The following MUC12 variants were observed in gnomAD, a reference collection of about 807,000 sequenced individuals.
MUC12 encodes mucin-12.
In MUC12, 172 loss-of-function variants were observed where a neutral mutation model predicts 230.8. The ratio of observed to expected loss-of-function variants is 0.75; its 90% CI spans 0.66 to 0.85. The LOEUF (loss-of-function observed/expected upper bound fraction) is 0.85, where lower values mean the gene tolerates loss of function less well. MUC12 is among the 40% of genes least tolerant of loss of function. MUC12 has a pLI of 0.00. For synonymous variants in MUC12, 1,259 were observed against 2,401.9 expected, an observed-to-expected ratio of 0.52 and a Z score of 13.91; for missense variants, 3,506 against 5,920.6, an observed-to-expected ratio of 0.59 and a Z score of 13.38.
At chr7:101,008,097 C>T (rs1231354566) in intron 3 of MUC12, among the ~76,000 whole-genome samples, 3 of 151,324 alleles carry the variant, frequency 2.0e-5, no homozygotes, top group South Asian at 4.2e-4. Context: ...AGCCACCGCG[C>T]CCGGCCGGTA....
intron 10 of MUC12, chr7:101,017,276 A>T (rs1005327123): frequency 9.3e-6 from 3 of 323,702 alleles, no homozygotes; most frequent in Non-Finnish European, 1.7e-5. Flanking sequence ...CTCCACTCTG[A>T]CCTCACCCCT....
chr7:101,005,093 C>T lies in MUC12; in HGVS notation c.14530C>T (p.Pro4844Ser). Residue 4844 changes from proline to serine, a missense_variant, in exon 2 of 12, where the codon CCA (proline) becomes TCA (serine). Physicochemically the swap from Pro to Ser is moderately conservative, Grantham distance 74 (BLOSUM62 -1). Coordinates refer to ENST00000536621, the MANE Select transcript of MUC12 (RefSeq NM_001164462.2). ...STVSPASTTV[P>S]GLSEESTTFY... is the part of the protein sequence containing the mutation. ...AGTGTCACCTGCCAGCACCACAGTGCCAGGCCTTAGTGAGGAATCTACCAC... is the reference window on the plus strand; with the variant it reads ...AGTGTCACCTGCCAGCACCACAGTGTCAGGCCTTAGTGAGGAATCTACCAC... 1 of 1,537,874 alleles carries T rather than the reference C, an allele frequency of 6.5e-7. No individual in the cohort carries two copies.
At chr7:101,007,975 T>C (rs1017922183) in intron 3 of MUC12, among the ~76,000 whole-genome samples, 2 of 151,268 alleles carry the variant, frequency 1.3e-5, no homozygotes, top group African/African-American at 4.9e-5. Context: ...TTTTTTTTTT[T>C]TTGTATTTTT....
chr7:100,969,716 G>A, intron 1 of MUC12, 27 bp downstream of exon 1: 1 of 1,537,348 alleles, frequency 6.5e-7, no homozygotes, highest in Admixed American at 2.0e-5. Context: ...TGATGCTCCA[G>A]GTCCAGTGCT....
intron 1 of MUC12, chr7:100,972,298 G>T (rs1207648516): frequency 1.5e-6 from 1 of 688,506 alleles, no homozygotes; most frequent in Non-Finnish European, 2.6e-6. Flanking sequence ...GTGGATTTGT[G>T]TCCTGCGCCC....
chr7:100,990,226 G>A (rs539000637), intron 1 of MUC12, among the ~76,000 whole-genome samples: 121 of 152,302 alleles, frequency 7.9e-4, no homozygotes, highest in African/African-American at 2.6e-3. Flanking sequence ...GATCAGGAGC[G>A]GCATGAGATT....
At position 101,009,292 on chromosome 7, in the gene MUC12, C is replaced by T. The variant is rs1490316343; in HGVS notation, c.15251+133C>T. 5.7e-6 allele frequency: 5 copies of T among 873,174 alleles called. No homozygotes were observed. The East Asian group carries it at 1.3e-4, about 23-fold the overall frequency. The allele number at this position is 873,174 out of a possible 1,614,324, so 54.1% of individuals were successfully genotyped here. A position where few individuals can be genotyped will look rare whatever the true frequency, so the allele number is the denominator to read the frequency against. On this transcript the variant is annotated intron_variant, in intron 5 of 11. Transcript: ENST00000536621. ...AGAGAGTCCTGCAGCCGCTAGGGAA[C>T]ACTGGGGGCTGTGACACCTTTCATT... is the stretch of plus-strand genomic sequence containing the variant.
At chr7:101,008,817 T>G in intron 4 of MUC12, 56 bp downstream of exon 4, 5 of 1,503,946 alleles carry the variant, frequency 3.3e-6, no homozygotes, top group Non-Finnish European at 4.4e-6. Context: ...GAGAGGAAAT[T>G]GGGGGGTGCA....
At position 100,991,502 on chromosome 7, in the gene MUC12, A is replaced by G; in HGVS notation, c.939A>G (p.Pro313=). 1 of 1,537,586 alleles carries G rather than the reference A, an allele frequency of 6.5e-7. No homozygotes were observed. The highest frequency in any genetic ancestry group is 1.2e-5 in the South Asian group (1 of 84,046). Residue 313 remains proline (P), a synonymous_variant, in exon 2 of 12, where the codon CCA becomes CCG. Coordinates refer to ENST00000536621, the MANE Select transcript of MUC12 (RefSeq NM_001164462.2). ...TTYHSSPSST[P]TTHFSASSTT... is the part of the protein sequence containing the mutation. ...ATCACAGCAGCCCGAGCTCAACTCCAACAACCCACTTTTCTGCCAGCTCCA... is the reference window on the plus strand; with the variant it reads ...ATCACAGCAGCCCGAGCTCAACTCCGACAACCCACTTTTCTGCCAGCTCCA...
chr7:100,972,331 A>G (rs1792922694), intron 1 of MUC12, among the ~76,000 whole-genome samples: 1 of 132,294 alleles, frequency 7.6e-6, no homozygotes, highest in Non-Finnish European at 1.6e-5. Flanking sequence ...AGAGGACCCC[A>G]GTTCTCTGCA....
chr7:100,991,761 ACTC>A lies in MUC12; in HGVS notation c.1201_1203del (p.Pro401del). 1 of 1,537,004 alleles carries A rather than the reference ACTC, an allele frequency of 6.5e-7. No homozygotes were observed. Among genetic ancestry groups the A allele is most frequent in the South Asian group, 1.2e-5 (1 of 84,048 alleles). On this transcript the variant is annotated inframe_deletion, in exon 2 of 12. Coordinates refer to ENST00000536621, the MANE Select transcript of MUC12 (RefSeq NM_001164462.2). ...CAGCACAACACACACAAAATCTTCAACTCCTAGCACCACAGCTGCCCTAGCACA... is the reference window on the plus strand; with the variant it reads ...CAGCACAACACACACAAAATCTTCAACTAGCACCACAGCTGCCCTAGCACA...
intron 4 of MUC12, 45 bp from the exon 5 acceptor site, chr7:101,009,050 T>C: frequency 1.3e-6 from 2 of 1,530,584 alleles, no homozygotes; most frequent in Non-Finnish European, 1.8e-6. Flanking sequence ...AGGAGAGTCT[T>C]CATGCTCTAG....
chr7:100,974,568 C>T (rs976498064), intron 1 of MUC12, among the ~76,000 whole-genome samples: 1 of 152,246 alleles, frequency 6.6e-6, no homozygotes, highest in African/African-American at 2.4e-5. Context: ...AACTGTAATC[C>T]CAGCACTTTG....
chr7:101,004,795 C>G lies in MUC12; in HGVS notation c.14232C>G (p.Ser4744Arg), dbSNP rs923669035. ...CAAAATCTACCATCCTTTACAGTAG[C>G]TCCAGATCACCAGACCAAACACTCT... ...LSAKSTILYS[S>R]SRSPDQTLSP... The change falls in exon 2 of 12, where the codon AGC (serine) becomes AGG (arginine). Residue 4744 changes from serine to arginine, a missense_variant. Transcript: ENST00000536621. 8 of 1,537,672 alleles carry G rather than the reference C, an allele frequency of 5.2e-6. No homozygotes were observed. The highest frequency in any genetic ancestry group is 7.0e-6 in the Non-Finnish European group (8 of 1,147,052).
chr7:100,984,192 C>T (rs771188358), intron 1 of MUC12, among the ~76,000 whole-genome samples: 1 of 151,802 alleles, frequency 6.6e-6, no homozygotes, highest in Non-Finnish European at 1.5e-5. Context: ...GTATTACACT[C>T]TCAAAGAGGG....
At position 101,004,876 on chromosome 7, in the gene MUC12, CCAAG is replaced by C; in HGVS notation, c.14316_14319del (p.Ala4773SerfsTer210). The C allele has an allele frequency of 6.5e-7, 1 of 1,537,828 alleles. No homozygotes were observed. Among genetic ancestry groups the C allele is most frequent in the Non-Finnish European group, 8.7e-7 (1 of 1,147,044 alleles). On this transcript the variant is annotated frameshift_variant, in exon 2 of 12. Transcript: ENST00000536621. LOFTEE classifies it high-confidence loss of function. ...GTGGAGAACCCACCAGCTTGTATAG[CCAAG>C]CAGAGTCAACACACACAACAGCGTT...
Position 100,993,521 on chromosome 7 carries a change from A to G in MUC12, c.2958A>G (p.Gly986=), listed in dbSNP as rs1793392285. Residue 986 remains glycine, a synonymous_variant, in exon 2 of 12, where the codon GGA becomes GGG. Coordinates refer to ENST00000536621, the MANE Select transcript of MUC12 (RefSeq NM_001164462.2). The part of the protein sequence containing the change: ...TLSPASSTSP[G]LQGESTAFQT... ...CCCCTGCCAGCTCCACAAGCCCTGGACTTCAGGGAGAATCTACTGCCTTCC... is the reference window on the plus strand; with the variant it reads ...CCCCTGCCAGCTCCACAAGCCCTGGGCTTCAGGGAGAATCTACTGCCTTCC... The G allele has an allele frequency of 9.9e-7, 1 of 1,008,504 alleles. No individual in the cohort carries two copies. The highest frequency in any genetic ancestry group is 2.5e-5 in the Admixed American group (1 of 39,854). The allele number at this position is 1,008,504 out of a possible 1,614,324, so 62.5% of individuals were successfully genotyped here.
chr7:100,974,030 T>C (rs529315685), intron 1 of MUC12, among the ~76,000 whole-genome samples: 3 of 151,990 alleles, frequency 2.0e-5, no homozygotes, highest in Admixed American at 2.0e-4. Context: ...ATGCCTATAG[T>C]CTTAGCTACT....
At position 101,004,452 on chromosome 7, in the gene MUC12, C is replaced by A; in HGVS notation, c.13889C>A (p.Ser4630Ter). 6.6e-7 allele frequency: 1 copy of A among 1,526,692 alleles called. No individual in the cohort carries two copies. Among genetic ancestry groups the A allele is most frequent in the South Asian group, 1.2e-5 (1 of 83,260 alleles). 94.6% of individuals were successfully genotyped at this position (1,526,692 alleles called of 1,614,324 possible). A position where few individuals can be genotyped will look rare whatever the true frequency, so the allele number is the denominator to read the frequency against. The change falls in exon 2 of 12, where the codon TCA becomes TAA. Residue 4630 changes from serine (S) to a stop codon, truncating the protein, a stop_gained. Transcript: ENST00000536621. LOFTEE classifies it high-confidence loss of function. ...ACAGCTTCAGGTCGTAGTGAAGAAT[C>A]AAGAACTTCCCACAGCAGCACAACA... ...SSTASGRSEESRTSHSSTTHT... is the reference protein window; with the variant it reads ...SSTASGRSEE
Sources: gnomAD v4.1 joint callset for allele counts (sites outside exome capture counted in the v4.1 genomes callset) on GRCh38, gnomAD v4.1.1 for gene constraint, MANE v1.5 for transcripts, NCBI Gene and HGNC (gene_info 2026-07-23, HGNC 2026-07-21) for gene names.